Variants in DCDC1 observed in about 807,000 individuals in gnomAD.
DCDC1 encodes the protein doublecortin domain containing 1.
A neutral mutation model predicts 178.3 loss-of-function variants in DCDC1; 200 were observed. The ratio of observed to expected loss-of-function variants is 1.12; its 90% CI spans 1.00 to 1.26. DCDC1 has a LOEUF of 1.26. DCDC1 is among the 50% of genes most tolerant of loss of function. The pLI, the probability that DCDC1 is intolerant of heterozygous loss-of-function variation, is 0.00. For missense variants in DCDC1, 1,983 were observed against 1,749.2 expected, an observed-to-expected ratio of 1.13 and a Z score of -2.38; for synonymous variants, 690 against 604.8, an observed-to-expected ratio of 1.14 and a Z score of -2.07.
chr11:31,315,844 C>G (rs1949077067), intron 3 of DCDC1, among the ~76,000 whole-genome samples: 9 of 98,686 alleles, frequency 9.1e-5, no homozygotes, highest in Admixed American at 7.4e-4. Flanking sequence ...TGTGATATTC[C>G]CCTTCCTGTG....
intron 22 of DCDC1, among the ~76,000 whole-genome samples, chr11:30,926,178 A>C (rs1044976166): frequency 6.6e-6 from 1 of 152,198 alleles, no homozygotes; most frequent in African/African-American, 2.4e-5. Context: ...TTTTCCAGAG[A>C]AGCCTTATCT....
At chr11:31,169,291 C>A (rs990341303) in intron 9 of DCDC1, among the ~76,000 whole-genome samples, 1 of 152,154 alleles carries the variant, frequency 6.6e-6, no homozygotes, top group Non-Finnish European at 1.5e-5. Flanking sequence ...AGCAAACTAC[C>A]ATGGCACATG....
At chr11:30,988,235 A>G (rs772812961) in intron 20 of DCDC1, among the ~76,000 whole-genome samples, 29 of 152,352 alleles carry the variant, frequency 1.9e-4, no homozygotes, top group Non-Finnish European at 3.2e-4. Flanking sequence ...CAAATGCTGT[A>G]GAATGGATGA....
chr11:31,119,030 G>T (rs1442247720), intron 11 of DCDC1, among the ~76,000 whole-genome samples: 2 of 152,140 alleles, frequency 1.3e-5, no homozygotes, highest in African/African-American at 4.8e-5. Context: ...CCACAAAGAG[G>T]AGGAGGAGTG....
intron 7 of DCDC1, chr11:31,280,718 G>A (rs1264377686): frequency 3.5e-6 from 2 of 579,366 alleles, no homozygotes; most frequent in Non-Finnish European, 6.5e-6. Flanking sequence ...TGCCCTTTCT[G>A]CCTTCTTCTT....
chr11:30,909,008 A>G lies in DCDC1; in HGVS notation c.3856T>C (p.Ser1286Pro). ...HSTALDKEIT[S>P]ANYAGVCTSS... ...GTACAGACACCAGCATAATTTGCTG[A>G]TGTAATTTCCTTATCCAAGGCAGTG... The change falls in exon 29 of 39, where the codon TCA becomes CCA. Residue 1286 changes from serine to proline, a missense_variant. Transcript: ENST00000684477. 1 of 1,611,498 alleles carries G rather than the reference A, an allele frequency of 6.2e-7. No individual in the cohort carries two copies.
chr11:30,953,723 C>CA (rs1948573659), intron 20 of DCDC1, among the ~76,000 whole-genome samples: 1 of 152,060 alleles, frequency 6.6e-6, no homozygotes, highest in South Asian at 2.1e-4. Context: ...CCAGCAATCC[C>CA]ATACTTAGGT....
chr11:31,027,975 G>A (rs1009465343), intron 20 of DCDC1, among the ~76,000 whole-genome samples: 2 of 151,660 alleles, frequency 1.3e-5, no homozygotes, highest in Non-Finnish European at 1.5e-5. Flanking sequence ...AAAGAAAATT[G>A]TACCTATTAT....
At chr11:30,934,169 G>C (rs1366498890) in intron 21 of DCDC1, among the ~76,000 whole-genome samples, 1 of 152,184 alleles carries the variant, frequency 6.6e-6, no homozygotes, top group Non-Finnish European at 1.5e-5. Context: ...CACCAGAAGA[G>C]TGCTGACTCA....
At chr11:31,226,178 T>C (rs1262243300) in intron 9 of DCDC1, among the ~76,000 whole-genome samples, 1 of 152,076 alleles carries the variant, frequency 6.6e-6, no homozygotes, top group African/African-American at 2.4e-5. Context: ...GCAGCTTTCT[T>C]CTCTAATGGC....
At chr11:31,154,767 T>C (rs1158617834) in intron 9 of DCDC1, among the ~76,000 whole-genome samples, 1 of 152,192 alleles carries the variant, frequency 6.6e-6, no homozygotes, top group Non-Finnish European at 1.5e-5. Context: ...GCTAGCCTTT[T>C]ACAATATATA....
chr11:31,091,102 T>G (rs559764366), intron 17 of DCDC1, among the ~76,000 whole-genome samples: 1 of 152,280 alleles, frequency 6.6e-6, no homozygotes, highest in African/African-American at 2.4e-5. Flanking sequence ...TCAAAATGGA[T>G]ATAAAGAAAT....
At chr11:31,162,086 T>C (rs889036458) in intron 9 of DCDC1, among the ~76,000 whole-genome samples, 1 of 152,174 alleles carries the variant, frequency 6.6e-6, no homozygotes, top group Non-Finnish European at 1.5e-5. Context: ...TGTTTTGGTA[T>C]ATAAGACAGG....
intron 2 of DCDC1, among the ~76,000 whole-genome samples, chr11:31,330,787 T>G (rs534685450): frequency 6.6e-6 from 1 of 152,328 alleles, no homozygotes; most frequent in Admixed American, 6.5e-5. Context: ...ACCATGCTGT[T>G]TTGGTTACTG....
chr11:31,338,480 C>T (rs995136728), intron 1 of DCDC1, among the ~76,000 whole-genome samples: 12 of 152,126 alleles, frequency 7.9e-5, no homozygotes, highest in African/African-American at 1.9e-4. Context: ...GGAAGAAGGG[C>T]GTACCAAAGA....
chr11:31,172,886 T>C (rs1334545161), intron 9 of DCDC1, among the ~76,000 whole-genome samples: 1 of 152,130 alleles, frequency 6.6e-6, no homozygotes. Flanking sequence ...TTCAAACCCA[T>C]GTTCAAGGAT....
At chr11:30,979,484 C>T (rs1268707644) in intron 20 of DCDC1, among the ~76,000 whole-genome samples, 1 of 152,148 alleles carries the variant, frequency 6.6e-6, no homozygotes, top group Non-Finnish European at 1.5e-5. Context: ...TCCCATGCAT[C>T]TTATCTATGT....
At chr11:30,880,998 G>A (rs558910328) in intron 37 of DCDC1, among the ~76,000 whole-genome samples, 160 bp downstream of exon 37, 1 of 152,254 alleles carries the variant, frequency 6.6e-6, no homozygotes, top group South Asian at 2.1e-4. Flanking sequence ...CGAGGTTCCA[G>A]CACATAAATA....
intron 9 of DCDC1, among the ~76,000 whole-genome samples, chr11:31,159,522 G>C (rs1326908525): frequency 3.3e-5 from 5 of 152,074 alleles, no homozygotes; most frequent in African/African-American, 9.7e-5. Flanking sequence ...CTAATGCATG[G>C]TCTGTATTTG....
Sources: gnomAD v4.1 joint callset for allele counts (sites outside exome capture counted in the v4.1 genomes callset) on GRCh38, gnomAD v4.1.1 for gene constraint, MANE v1.5 for transcripts, NCBI Gene and HGNC (gene_info 2026-07-23, HGNC 2026-07-21) for gene names.